The following POTEG variants were observed in gnomAD, a reference collection of about 807,000 sequenced individuals.
POTEG encodes POTE ankyrin domain family member G, also known as ANKRD26-like family C member 2.
POTEG carries 2 observed loss-of-function variants against 49.6 expected under a neutral mutation model. That is an observed-to-expected ratio of 0.04 (90% CI 0.02 to 0.13). The LOEUF is 0.13. Among genes scored for constraint, POTEG ranks in the 10% least tolerant of loss-of-function variants. POTEG has a pLI of 1.00. For missense variants in POTEG, 26 were observed against 545.2 expected (o/e 0.05, Z 9.48); for synonymous variants, 7 against 186.6 (o/e 0.04, Z 7.84).
At chr14:19,433,355 TATAAAATCCATACTGGATTTTA>T (rs879776856) in intron 1 of POTEG, among the ~76,000 whole-genome samples, 4 of 110,558 alleles carry the variant, frequency 3.6e-5, no homozygotes, top group Non-Finnish European at 7.5e-5. Context: ...TGTACATTGA[TATAAAATCCATACTGGATTTTA>T]TTTGAAGAAT....
chr14:19,426,575 A>T (rs1421103638), intron 3 of POTEG, among the ~76,000 whole-genome samples: 1 of 152,312 alleles, frequency 6.6e-6, no homozygotes, highest in African/African-American at 2.4e-5. Flanking sequence ...GACTGCTCAC[A>T]GCAAACTACT....
At chr14:19,414,906 C>T (rs1386713481) in intron 7 of POTEG, among the ~76,000 whole-genome samples, 5 of 125,010 alleles carry the variant, frequency 4.0e-5, no homozygotes, top group East Asian at 2.3e-4. Context: ...ACTATTTGTT[C>T]GGACTAAACT....
Position 19,432,441 on chromosome 14 carries a change from TATATAC to T in POTEG, c.521+1322_521+1327del, listed in dbSNP as rs1240106540. Reference sequence around the variant, plus strand: ...ATATATATGTATATACGTATATATATATATACATATATATATACATATATACATATA... The same window carrying T: ...ATATATATGTATATACGTATATATATATATATATATACATATATACATATA... On this transcript the variant is annotated intron_variant, in intron 1 of 10. Transcript: ENST00000547848. 8.8e-5 allele frequency among the ~76,000 whole-genome samples: 7 copies of T among 79,788 alleles called. No individual in the cohort carries two copies. The South Asian group carries it at 2.0e-3, about 22-fold the overall frequency. 52.3% of individuals were successfully genotyped at this position (79,788 alleles called of 152,430 possible).
intron 1 of POTEG, among the ~76,000 whole-genome samples, chr14:19,431,346 T>C (rs1417587303): frequency 1.3e-5 from 2 of 151,036 alleles, no homozygotes; most frequent in African/African-American, 2.4e-5. Flanking sequence ...AATTTGTTCA[T>C]GAAATCTTTA....
At chr14:19,421,456 GT>G (rs2139166042) in intron 6 of POTEG, 167 bp downstream of exon 6, 1 of 850,982 alleles carries the variant, frequency 1.2e-6, no homozygotes, top group East Asian at 2.9e-5. Context: ...ATATTACAAT[GT>G]AATAATAATA....
At chr14:19,415,603 A>T (rs28362019) in intron 7 of POTEG, among the ~76,000 whole-genome samples, 7 of 139,524 alleles carry the variant, frequency 5.0e-5, no homozygotes, top group Non-Finnish European at 1.1e-4. Flanking sequence ...GTGTTGTAAA[A>T]ATAAAAGAAC....
intron 4 of POTEG, 197 bp from the exon 5 acceptor site, chr14:19,424,499 C>T: frequency 3.5e-6 from 1 of 283,444 alleles, no homozygotes; most frequent in Non-Finnish European, 5.2e-6. Flanking sequence ...AAAAAAAACC[C>T]TCTTATCTCA....
Position 19,413,576 on chromosome 14 carries a change from AT to A in POTEG, c.1243-57del, listed in dbSNP as rs1275090696. 1.1e-5 allele frequency: 17 copies of A among 1,534,888 alleles called. 1 individual carries two copies. The highest frequency in any genetic ancestry group is 2.3e-4 in the Middle Eastern group (1 of 4,300). On this transcript the variant is annotated intron_variant, in intron 8 of 10. Transcript: ENST00000547848. ...TATCCCTTTATTGAATAGAAAGAATATTTTTAATTGATTTTATCACTTGACC... is the reference window on the plus strand; with the variant it reads ...TATCCCTTTATTGAATAGAAAGAATATTTTAATTGATTTTATCACTTGACC...
At chr14:19,416,133 C>T (rs1320123878) in intron 7 of POTEG, among the ~76,000 whole-genome samples, 155 bp downstream of exon 7, 7 of 133,170 alleles carry the variant, frequency 5.3e-5, no homozygotes, top group Admixed American at 2.4e-4. Context: ...CATGAGCCAC[C>T]CCCCCAGCCA....
intron 8 of POTEG, among the ~76,000 whole-genome samples, chr14:19,414,284 A>C (rs1883459984): frequency 6.9e-6 from 1 of 144,306 alleles, no homozygotes; most frequent in South Asian, 2.3e-4. Flanking sequence ...GACTAAAACC[A>C]AGAAAGATAA....
chr14:19,432,403 T>C (rs181529279), intron 1 of POTEG, among the ~76,000 whole-genome samples: 8,473 of 43,646 alleles, frequency 0.19, 406 homozygotes, highest in Non-Finnish European at 0.23. Context: ...TATATATATA[T>C]ACACACACAT....
intron 1 of POTEG, among the ~76,000 whole-genome samples, chr14:19,433,239 T>G: frequency 7.3e-6 from 1 of 136,566 alleles, no homozygotes; most frequent in South Asian, 2.4e-4. Context: ...AAAGCTCACA[T>G]CTTCAGAAAA....
intron 9 of POTEG, among the ~76,000 whole-genome samples, chr14:19,410,203 ATGAC>A (rs1883406229): frequency 1.3e-5 from 1 of 77,808 alleles, no homozygotes; most frequent in Non-Finnish European, 3.4e-5. Flanking sequence ...TGTACAAGAT[ATGAC>A]TGGCTTCTGG....
chr14:19,414,267 A>C (rs1326532600), intron 8 of POTEG, among the ~76,000 whole-genome samples: 2 of 143,202 alleles, frequency 1.4e-5, no homozygotes, highest in Non-Finnish European at 3.1e-5. Context: ...TTTTCTATTG[A>C]TAATCAGACT....
chr14:19,426,267 C>G (rs527388646), intron 3 of POTEG, among the ~76,000 whole-genome samples: 12 of 151,322 alleles, frequency 7.9e-5, no homozygotes, highest in African/African-American at 2.9e-4. Context: ...CAGATTGTTA[C>G]TAAATAATCA....
In POTEG at chr14:19,419,080, T is replaced by C. The variant is rs1314078760; in HGVS notation, c.1126+2544A>G. On this transcript the variant is annotated intron_variant, in intron 6 of 10. Coordinates refer to ENST00000547848, the MANE Select transcript of POTEG (RefSeq NM_001005356.3). ...ATTCCTAACTTTATTTATTTCACTA[T>C]GGACAGGTGAAAACCTTGTAATACA... Among the ~76,000 whole-genome samples, 365 of 89,394 alleles carry C rather than the reference T, an allele frequency of 4.1e-3. 2 individuals are homozygous for C. Among genetic ancestry groups the C allele is most frequent in the African/African-American group, 0.019 (339 of 17,608 alleles). 58.6% of individuals were successfully genotyped at this position (89,394 alleles called of 152,430 possible). A position where few individuals can be genotyped will look rare whatever the true frequency, so the allele number is the denominator to read the frequency against.
intron 7 of POTEG, among the ~76,000 whole-genome samples, chr14:19,415,654 A>C (rs1883526432): frequency 6.6e-6 from 1 of 151,176 alleles, no homozygotes; most frequent in African/African-American, 2.4e-5. Context: ...CCAAAAGGAA[A>C]GATTAGCTAT....
At position 19,425,671 on chromosome 14, in the gene POTEG, T is replaced by A. The variant is rs1473618282; in HGVS notation, c.852A>T (p.Lys284Asn). 1 of 639,278 alleles carries A rather than the reference T, an allele frequency of 1.6e-6. No individual in the cohort carries two copies. Among genetic ancestry groups the A allele is most frequent in the Non-Finnish European group, 2.3e-6 (1 of 441,564 alleles). 39.6% of individuals were successfully genotyped at this position (639,278 alleles called of 1,614,324 possible). The change falls in exon 4 of 11, where the codon AAA (lysine) becomes AAT (asparagine). Residue 284 changes from lysine to asparagine, a missense_variant. Coordinates refer to ENST00000547848, the MANE Select transcript of POTEG (RefSeq NM_001005356.3). ...TPLLLGVHEQ[K>N]QQVVKFLIKK... ...TGATTAAGAATTTCACCACTTGCTGTTTTTGCTCATGTACACCAAGTAACA... is the reference window on the plus strand; with the variant it reads ...TGATTAAGAATTTCACCACTTGCTGATTTTGCTCATGTACACCAAGTAACA...
chr14:19,417,421 G>T (rs1443442534), intron 6 of POTEG, among the ~76,000 whole-genome samples: 1 of 104,192 alleles, frequency 9.6e-6, no homozygotes, highest in African/African-American at 3.9e-5. Flanking sequence ...GGCTTTTCTA[G>T]AACACATGCC....
Sources: allele counts gnomAD v4.1 joint callset (sites outside exome capture counted in the v4.1 genomes callset), GRCh38; gene constraint gnomAD v4.1.1; transcripts MANE v1.5; gene names NCBI Gene and HGNC (gene_info 2026-07-23, HGNC 2026-07-21).